The following NR1D2 variants were observed in gnomAD, a reference collection of about 807,000 sequenced individuals.
NR1D2 encodes nuclear receptor subfamily 1 group D member 2.
A neutral mutation model predicts 52.2 loss-of-function variants in NR1D2; 25 were observed. The ratio of observed to expected loss-of-function variants is 0.48; its 90% CI spans 0.35 to 0.67. The LOEUF (loss-of-function observed/expected upper bound fraction) is 0.67, where lower values mean the gene tolerates loss of function less well. Ranked by LOEUF, NR1D2 falls within the 30% of genes least tolerant of loss-of-function variation. The pLI, the probability that NR1D2 is intolerant of heterozygous loss-of-function variation, is 0.01. For missense variants in NR1D2, 681 were observed against 707.2 expected (o/e 0.96, Z 0.42); for synonymous variants, 259 against 230.1 (o/e 1.13, Z -1.14).
At chr3:23,957,038 A>G (rs929812471) in intron 3 of NR1D2, among the ~76,000 whole-genome samples, 3 of 151,678 alleles carry the variant, frequency 2.0e-5, no homozygotes, top group Admixed American at 6.6e-5. Context: ...GCTGAAGTGC[A>G]GTGGTGTGAT....
chr3:23,971,441 G>C (rs1168920984), intron 7 of NR1D2, among the ~76,000 whole-genome samples: 1 of 149,704 alleles, frequency 6.7e-6, no homozygotes, highest in Non-Finnish European at 1.5e-5. Context: ...GCTAATTTTT[G>C]TATTTTTAGT....
rs1477780351 is a variant in NR1D2, at chr3:23,978,773, A to G, written c.*1354A>G. 1 of 152,120 alleles carries G rather than the reference A, an allele frequency of 6.6e-6. No individual in the cohort carries two copies. Among genetic ancestry groups the G allele is most frequent in the Non-Finnish European group, 1.5e-5 (1 of 67,986 alleles). The allele number at this position is 152,120 out of a possible 1,614,324, so 9.4% of individuals were successfully genotyped here. A position where few individuals can be genotyped will look rare whatever the true frequency, so the allele number is the denominator to read the frequency against. ...AATAACACTACAGGGATTTTGTCAT[A>G]TTAGATTTAATTTATAATTTGAAAA... On this transcript the variant is annotated 3_prime_UTR_variant, in exon 8 of 8. Coordinates refer to ENST00000312521, the MANE Select transcript of NR1D2 (RefSeq NM_005126.5).
At chr3:23,973,662 T>A (rs1575160847) in intron 7 of NR1D2, among the ~76,000 whole-genome samples, 4 of 150,150 alleles carry the variant, frequency 2.7e-5, no homozygotes, top group Admixed American at 6.7e-5. Flanking sequence ...TTTATTAAAA[T>A]TTTTTTTTCT....
chr3:23,972,834 A>G (rs994470961), intron 7 of NR1D2, among the ~76,000 whole-genome samples: 7 of 152,148 alleles, frequency 4.6e-5, no homozygotes, highest in African/African-American at 9.7e-5. Context: ...CCAGGTTTGT[A>G]CCTTAGGTTC....
At position 23,945,554 on chromosome 3, in the gene NR1D2, C is replaced by A. The variant is rs1705635567; in HGVS notation, c.-25C>A. On this transcript the variant is annotated 5_prime_UTR_variant, in exon 1 of 8. Coordinates refer to ENST00000312521, the MANE Select transcript of NR1D2 (RefSeq NM_005126.5). The stretch of plus-strand genomic sequence containing the variant: ...TGCCCCCTCTGCGGGAAGCGGGCGG[C>A]CCCGGCCGCCTCCGCGAGGGCACCA... The A allele has an allele frequency of 2.6e-6, 3 of 1,156,044 alleles. No homozygotes were observed. The highest frequency in any genetic ancestry group is 2.1e-6 in the Non-Finnish European group (2 of 932,622). 71.6% of individuals were successfully genotyped at this position (1,156,044 alleles called of 1,614,324 possible).
In NR1D2 at chr3:23,967,878, A is replaced by T; in HGVS notation, c.1398A>T (p.Gly466=). 6 of 1,614,146 alleles carry T rather than the reference A, an allele frequency of 3.7e-6. No homozygotes were observed. Among genetic ancestry groups the T allele is most frequent in the Non-Finnish European group, 5.1e-6 (6 of 1,180,004 alleles). Residue 466 remains glycine, a synonymous_variant, in exon 7 of 8, where the codon GGA becomes GGT. Transcript: ENST00000312521. ...AACGTACTGTCACCTTTTTAAGTGG[A>T]AAGAAATATAGTGTGGATGATTTAC... is the stretch of plus-strand genomic sequence containing the variant. The part of the protein sequence containing the change: ...AKERTVTFLS[G]KKYSVDDLHS...
intron 1 of NR1D2, among the ~76,000 whole-genome samples, chr3:23,949,679 TCTAC>T (rs1206689114): frequency 6.6e-6 from 1 of 152,258 alleles, no homozygotes; most frequent in Admixed American, 6.5e-5. Context: ...TTAGATCTAC[TCTAC>T]CACCCTTGGA....
intron 7 of NR1D2, among the ~76,000 whole-genome samples, chr3:23,973,682 A>C (rs775008449): frequency 7.2e-5 from 11 of 152,126 alleles, no homozygotes; most frequent in Non-Finnish European, 1.5e-4. Flanking sequence ...TTCCATAATA[A>C]ATTAACCTTA....
chr3:23,961,996 T>C lies in NR1D2; in HGVS notation c.537T>C (p.Ile179=). The C allele has an allele frequency of 1.2e-6, 2 of 1,608,738 alleles. No homozygotes were observed. The highest frequency in any genetic ancestry group is 2.2e-5 in the East Asian group (1 of 44,778). The change falls in exon 5 of 8, where the codon ATT becomes ATC. Residue 179 remains isoleucine, a synonymous_variant. Coordinates refer to ENST00000312521, the MANE Select transcript of NR1D2 (RefSeq NM_005126.5). ...CAATAGCTGTTCGGTTTGGTCGTAT[T>C]CCTAAGCGTGAAAAACAGAGGATGC... is the stretch of plus-strand genomic sequence containing the variant. ...MSRDAVRFGR[I]PKREKQRMLI...
Position 23,957,903 on chromosome 3 carries a change from T to A in NR1D2, c.373-1768T>A, listed in dbSNP as rs907128605. Among the ~76,000 whole-genome samples the A allele has an allele frequency of 1.1e-4, 16 of 152,336 alleles. No homozygotes were observed. The East Asian group carries it at 3.1e-3, about 29-fold the overall frequency. ...CTAAGTCAAGTGTATAGTATCACAA[T>A]AATAAAATATAAAAATGTTGTGTCC... is the stretch of plus-strand genomic sequence containing the variant. On this transcript the variant is annotated intron_variant, in intron 3 of 7. Transcript: ENST00000312521.
intron 1 of NR1D2, among the ~76,000 whole-genome samples, chr3:23,947,451 C>T (rs1331375779): frequency 6.6e-6 from 1 of 152,164 alleles, no homozygotes; most frequent in Non-Finnish European, 1.5e-5. Flanking sequence ...TCCTTGTTGC[C>T]GTTTGGGATG....
At position 23,962,584 on chromosome 3, in the gene NR1D2, C is replaced by G; in HGVS notation, c.1125C>G (p.Asn375Lys). ...AGAACAAGAATAGTTACCTGTGCAACACTGGAGGAAGAATGCATCTGGTAT... is the reference window on the plus strand; with the variant it reads ...AGAACAAGAATAGTTACCTGTGCAAGACTGGAGGAAGAATGCATCTGGTAT... ...QNENKNSYLC[N>K]TGGRMHLVCP... The change falls in exon 5 of 8, where the codon AAC becomes AAG. Residue 375 changes from asparagine to lysine, a missense_variant. This residue lies in a region of NR1D2 where 475 missense variants were observed against 454.5 expected (regional missense o/e 1.05). Coordinates refer to ENST00000312521, the MANE Select transcript of NR1D2 (RefSeq NM_005126.5). 6.2e-7 allele frequency: 1 copy of G among 1,603,978 alleles called. No homozygotes were observed. The highest frequency in any genetic ancestry group is 8.5e-7 in the Non-Finnish European group (1 of 1,172,394).
chr3:23,945,475 C>A lies in NR1D2; in HGVS notation c.-104C>A. On this transcript the variant is annotated 5_prime_UTR_variant, in exon 1 of 8. Transcript: ENST00000312521. ...CTCTGCCCATGAGGGGGCCCCGCGA[C>A]CACCGCTGCTTCCAGCCCGGGGCGG... is the stretch of plus-strand genomic sequence containing the variant. The A allele has an allele frequency of 3.0e-6, 2 of 666,542 alleles. No homozygotes were observed. Among genetic ancestry groups the A allele is most frequent in the Non-Finnish European group, 3.8e-6 (2 of 519,652 alleles). The allele number at this position is 666,542 out of a possible 1,614,324, so 41.3% of individuals were successfully genotyped here. A position where few individuals can be genotyped will look rare whatever the true frequency, so the allele number is the denominator to read the frequency against.
rs1706790672 is a variant in NR1D2 at position 23,978,298 on chromosome 3, A to G, written c.*879A>G. The G allele has an allele frequency of 6.6e-6, 1 of 152,200 alleles. No homozygotes were observed. Among genetic ancestry groups the G allele is most frequent in the African/African-American group, 2.4e-5 (1 of 41,464 alleles). The allele number at this position is 152,200 out of a possible 1,614,324, so 9.4% of individuals were successfully genotyped here. A position where few individuals can be genotyped will look rare whatever the true frequency, so the allele number is the denominator to read the frequency against. On this transcript the variant is annotated 3_prime_UTR_variant, in exon 8 of 8. Coordinates refer to ENST00000312521, the MANE Select transcript of NR1D2 (RefSeq NM_005126.5). The stretch of plus-strand genomic sequence containing the variant: ...ATTTTAAACTGTGAAGAACTTTATC[A>G]TACAGGAAACTTAAAACAAGAGGTG...
chr3:23,966,069 T>A (rs1301899633), intron 6 of NR1D2, among the ~76,000 whole-genome samples: 8 of 152,218 alleles, frequency 5.3e-5, no homozygotes, highest in Admixed American at 5.2e-4. Flanking sequence ...TCCTGGTCCT[T>A]AGTTAGGTGT....
At chr3:23,956,811 C>T (rs1246304333) in intron 3 of NR1D2, among the ~76,000 whole-genome samples, 1 of 152,112 alleles carries the variant, frequency 6.6e-6, no homozygotes, top group Admixed American at 6.6e-5. Context: ...ACAATCTTTT[C>T]TCCTGAGTAT....
chr3:23,946,131 C>T (rs1705693293), intron 1 of NR1D2: 1 of 985,190 alleles, frequency 1.0e-6, no homozygotes, highest in South Asian at 4.7e-5. Flanking sequence ...CCCTCCTCCC[C>T]CGCGGGGTTG....
At position 23,965,013 on chromosome 3, in the gene NR1D2, C is replaced by G. The variant is rs771305840; in HGVS notation, c.1183C>G (p.His395Asp). ...GAGTAAGTCTCCATATGTGGATCCTCATAAATCAGGACATGAAATCTGGGA... is the reference window on the plus strand; with the variant it reads ...GAGTAAGTCTCCATATGTGGATCCTGATAAATCAGGACATGAAATCTGGGA... ...PMSKSPYVDP[H>D]KSGHEIWEEF... Residue 395 changes from histidine to aspartate, a missense_variant, in exon 6 of 8, where the codon CAT (histidine) becomes GAT (aspartate). By Grantham distance (81) the His-to-Asp change is moderately conservative. Around this residue, in one of 3 missense-constraint regions of NR1D2, gnomAD observed 475 missense variants for 454.5 expected, o/e 1.05. Coordinates refer to ENST00000312521, the MANE Select transcript of NR1D2 (RefSeq NM_005126.5). The G allele has an allele frequency of 1.5e-5, 24 of 1,613,394 alleles. No individual in the cohort carries two copies. The highest frequency in any genetic ancestry group is 2.2e-5 in the South Asian group (2 of 91,042).
At chr3:23,959,165 G>C (rs567833915) in intron 3 of NR1D2, among the ~76,000 whole-genome samples, 116 of 151,862 alleles carry the variant, frequency 7.6e-4, no homozygotes, top group Non-Finnish European at 1.2e-3. Context: ...CTGTTTGTGA[G>C]GCTGTGGTTG....
Sources: gnomAD v4.1 joint callset for allele counts (sites outside exome capture counted in the v4.1 genomes callset) on GRCh38, gnomAD v4.1.1 for gene constraint, gnomAD v4.1.1 regional missense constraint, MANE v1.5 for transcripts, NCBI Gene and HGNC (gene_info 2026-07-23, HGNC 2026-07-21) for gene names.